ITGAX: variants seen among roughly 807,000 people sequenced by gnomAD.
The protein encoded by ITGAX is integrin subunit alpha X, also known as integrin alpha-X.
A neutral mutation model predicts 140.2 loss-of-function variants in ITGAX; 99 were observed. The ratio of observed to expected loss-of-function variants is 0.71; its 90% confidence interval spans 0.60 to 0.83. The LOEUF (loss-of-function observed/expected upper bound fraction) is 0.83. Ranked by LOEUF, ITGAX falls within the 40% of genes least tolerant of loss-of-function variation. The pLI is 0.00. For missense variants in ITGAX, 1,444 were observed against 1,482.0 expected, an observed-to-expected ratio of 0.97 and a Z score of 0.42; for synonymous variants, 631 against 600.4, an observed-to-expected ratio of 1.05 and a Z score of -0.75.
chr16:31,365,819 A>T (rs1263708072), intron 14 of ITGAX, among the ~76,000 whole-genome samples: 1 of 152,238 alleles, frequency 6.6e-6, no homozygotes, highest in Non-Finnish European at 1.5e-5. Flanking sequence ...GCTACTTGGG[A>T]GGCTGAGGCA....
chr16:31,371,489 T>C lies in ITGAX; in HGVS notation c.1997T>C (p.Leu666Pro). The part of the protein sequence containing the change: ...LYIDKRSKNL[L>P]GSRDLQSSVT... ...ATTGACAAACGTTCTAAGAACCTGC[T>C]TGGGAGCCGTGAGTCCCCTCCCCTC... The change falls in exon 16 of 30, where the codon CTT becomes CCT. Residue 666 changes from leucine (L) to proline (P), a missense_variant. Leu to Pro is a moderately conservative substitution (Grantham distance 98, BLOSUM62 -3). Transcript: ENST00000268296. 1.2e-6 allele frequency: 2 copies of C among 1,613,876 alleles called. No homozygotes were observed. Among genetic ancestry groups the C allele is most frequent in the Admixed American group, 1.7e-5 (1 of 60,008 alleles).
At chr16:31,376,074 A>G (rs1256503836) in intron 20 of ITGAX, among the ~76,000 whole-genome samples, 1 of 152,218 alleles carries the variant, frequency 6.6e-6, no homozygotes, top group Non-Finnish European at 1.5e-5. Context: ...ATGAAACAAT[A>G]TGGTGTTTGG....
At chr16:31,355,322 G>A (rs1220215773) in intron 1 of ITGAX, 31 bp downstream of exon 1, 1 of 1,613,018 alleles carries the variant, frequency 6.2e-7, no homozygotes, top group South Asian at 1.1e-5. Context: ...AGTAGGGCTG[G>A]GGACCCAGGC....
intron 9 of ITGAX, chr16:31,361,419 G>T: frequency 1.4e-6 from 1 of 696,508 alleles, no homozygotes; most frequent in South Asian, 1.8e-5. Flanking sequence ...GGATGGCCCT[G>T]CTCCCCACAG....
intron 14 of ITGAX, among the ~76,000 whole-genome samples, chr16:31,364,008 C>T (rs1297661973): frequency 6.6e-6 from 1 of 152,212 alleles, no homozygotes; most frequent in Non-Finnish European, 1.5e-5. Context: ...TTATTCCCTT[C>T]CTGCCATCAA....
At chr16:31,355,367 G>A (rs1034100745) in intron 1 of ITGAX, 76 bp downstream of exon 1, 2 of 1,520,420 alleles carry the variant, frequency 1.3e-6, no homozygotes, top group Admixed American at 1.7e-5. Context: ...GGGGGCTCAG[G>A]CTGGGGGGTT....
chr16:31,355,543 T>A (rs1215775954), intron 1 of ITGAX, among the ~76,000 whole-genome samples: 2 of 152,224 alleles, frequency 1.3e-5, no homozygotes, highest in East Asian at 1.9e-4. Context: ...CAGAGATTTT[T>A]AAAATAGGCA....
intron 2 of ITGAX, chr16:31,356,346 T>C: frequency 2.2e-6 from 1 of 448,656 alleles, no homozygotes; most frequent in South Asian, 3.1e-5. Context: ...CCTGGGTTGG[T>C]CTCAAACTCC....
chr16:31,371,008 C>T, intron 14 of ITGAX, 76 bp from the exon 15 acceptor site: 1 of 1,586,424 alleles, frequency 6.3e-7, no homozygotes, highest in Non-Finnish European at 8.6e-7. Context: ...GTCCTACCTC[C>T]ATATTCCCCT....
intron 14 of ITGAX, among the ~76,000 whole-genome samples, chr16:31,365,650 C>A (rs546627803): frequency 6.6e-6 from 1 of 152,306 alleles, no homozygotes; most frequent in African/African-American, 2.4e-5. Context: ...TGGCCAGGCG[C>A]GGTGGCTCCC....
At chr16:31,363,447 C>G in intron 14 of ITGAX, 73 bp downstream of exon 14, 2 of 1,552,470 alleles carry the variant, frequency 1.3e-6, no homozygotes, top group Non-Finnish European at 1.8e-6. Context: ...TACTGGAAAA[C>G]TGTCCCTTTT....
intron 12 of ITGAX, 39 bp from the exon 13 acceptor site, chr16:31,362,896 G>A: frequency 2.5e-6 from 4 of 1,609,518 alleles, no homozygotes; most frequent in Non-Finnish European, 3.4e-6. Context: ...GGCTGCCTCT[G>A]GCAGGGACAG....
chr16:31,381,769 G>T, intron 29 of ITGAX, 34 bp from the exon 30 acceptor site: 1 of 869,304 alleles, frequency 1.2e-6, no homozygotes. Context: ...CACTGAATGG[G>T]CTTCCTGAGT....
chr16:31,372,441 C>G lies in ITGAX; in HGVS notation c.2224C>G (p.Pro742Ala). 2.5e-6 allele frequency: 4 copies of G among 1,608,920 alleles called. No individual in the cohort carries two copies. Among genetic ancestry groups the G allele is most frequent in the Non-Finnish European group, 3.4e-6 (4 of 1,178,642 alleles). ...TCTGAACTTCACGCTGGTGGGCAAG[C>G]CCCTCCTTGCCTTCAGAAACCTGCG... ...LRLNFTLVGKPLLAFRNLRPM... is the reference protein window; with the variant it reads ...LRLNFTLVGKALLAFRNLRPM... Residue 742 changes from proline (P) to alanine (A), a missense_variant, in exon 18 of 30, where the codon CCC becomes GCC. By Grantham distance (27) the Pro-to-Ala change is conservative (BLOSUM62 -1). Transcript: ENST00000268296.
At chr16:31,355,813 G>A in intron 1 of ITGAX, 80 bp from the exon 2 acceptor site, 1 of 1,093,018 alleles carries the variant, frequency 9.1e-7, no homozygotes, top group Non-Finnish European at 1.4e-6. Flanking sequence ...GGGGAGATTG[G>A]GACGCTGGGG....
At chr16:31,362,430 T>A in intron 11 of ITGAX, among the ~76,000 whole-genome samples, 181 bp from the exon 12 acceptor site, 1 of 49,170 alleles carries the variant, frequency 2.0e-5, no homozygotes, top group Non-Finnish European at 3.8e-5. Flanking sequence ...GGAGAGGGGA[T>A]GGGCGCTGTG....
At position 31,380,922 on chromosome 16, in the gene ITGAX, A is replaced by G. The variant is rs1174331372; in HGVS notation, c.3302A>G (p.Lys1101Arg). The change falls in exon 29 of 30, where the codon AAG (lysine) becomes AGG (arginine). Residue 1101 changes from lysine (K) to arginine (R), a missense_variant. Coordinates refer to ENST00000268296, the MANE Select transcript of ITGAX (RefSeq NM_000887.5). Reference protein sequence around the residue: ...AQTTTVLEKYKVHNPTPLIVG... With the variant: ...AQTTTVLEKYRVHNPTPLIVG... ...ACGACAACGGTGCTGGAGAAGTACA[A>G]GGTCCACAACCCCACCCCCCTCATC... is the stretch of plus-strand genomic sequence containing the variant. The G allele has an allele frequency of 6.2e-7, 1 of 1,614,126 alleles. No homozygotes were observed.
chr16:31,380,501 GT>G, intron 27 of ITGAX, 21 bp from the exon 28 acceptor site: 6 of 1,614,186 alleles, frequency 3.7e-6, no homozygotes, highest in Admixed American at 3.3e-5. Flanking sequence ...AGTTCAACAG[GT>G]TTCCCCCAAC....
At chr16:31,359,454 A>G (rs368950085) in intron 5 of ITGAX, among the ~76,000 whole-genome samples, 128 of 152,180 alleles carry the variant, frequency 8.4e-4, no homozygotes, top group South Asian at 7.5e-3. Flanking sequence ...GTGAGCCACC[A>G]CGCCTGGCTC....
Sources: allele counts gnomAD v4.1 joint callset (sites outside exome capture counted in the v4.1 genomes callset), GRCh38; gene constraint gnomAD v4.1.1; transcripts MANE v1.5; gene names NCBI Gene and HGNC (gene_info 2026-07-23, HGNC 2026-07-21).